GATA4: variants seen among roughly 807,000 people sequenced by gnomAD.
GATA4 encodes transcription factor GATA-4.
A neutral mutation model predicts 37.9 loss-of-function variants in GATA4; 7 were observed. That is an observed-to-expected ratio of 0.18 (90% CI 0.11 to 0.35). The LOEUF (loss-of-function observed/expected upper bound fraction) is 0.35, where lower values mean the gene tolerates loss of function less well. GATA4 is among the 10% of genes least tolerant of loss of function. The probability of loss-of-function intolerance (pLI) is 1.00; values close to 1 mark genes in which losing one functional copy is unlikely to be tolerated. For synonymous variants in GATA4, 372 were observed against 292.6 expected (o/e 1.27, Z -2.77); for missense variants, 647 against 653.0 (o/e 0.99, Z 0.10).
chr8:11,697,846 G>A (rs1291578524), intron 1 of GATA4: 1 of 985,376 alleles, frequency 1.0e-6, no homozygotes, highest in Non-Finnish European at 1.2e-6. Flanking sequence ...CCACGGGGCG[G>A]AGGAGGGAGC....
chr8:11,704,774 C>A (rs1206338072), intron 1 of GATA4, among the ~76,000 whole-genome samples: 5 of 152,336 alleles, frequency 3.3e-5, no homozygotes, highest in Non-Finnish European at 5.9e-5. Context: ...CCAGGCAGCT[C>A]CGCTGGGCCT....
rs2130355308 is a variant in GATA4 at position 11,758,342 on chromosome 8, T to C, written c.1199T>C (p.Val400Ala). Residue 400 changes from valine to alanine, a missense_variant, in exon 7 of 7, where the codon GTC becomes GCC. Physicochemically the swap from Val to Ala is moderately conservative, Grantham distance 64. Coordinates refer to ENST00000532059, the MANE Select transcript of GATA4 (RefSeq NM_001308093.3). ...GGCCATGGGCCCTCCATCCACCCTGTCCTCTCGGCCCTGAAGCTCTCCCCA... is the reference window on the plus strand; with the variant it reads ...GGCCATGGGCCCTCCATCCACCCTGCCCTCTCGGCCCTGAAGCTCTCCCCA... Reference protein sequence around the residue: ...MSGHGPSIHPVLSALKLSPQG... With the variant: ...MSGHGPSIHPALSALKLSPQG... 2 of 1,614,154 alleles carry C rather than the reference T, an allele frequency of 1.2e-6. No homozygotes were observed. The highest frequency in any genetic ancestry group is 2.2e-5 in the East Asian group (1 of 44,890).
intron 1 of GATA4, chr8:11,681,020 C>G (rs1039972966): frequency 3.5e-5 from 33 of 940,966 alleles, no homozygotes; most frequent in Non-Finnish European, 3.9e-5. Context: ...ATCCCATACC[C>G]CAGGCTGCAA....
At chr8:11,679,836 T>C (rs542905175) in intron 1 of GATA4, among the ~76,000 whole-genome samples, 145 of 152,260 alleles carry the variant, frequency 9.5e-4, no homozygotes, top group Non-Finnish European at 1.9e-3. Flanking sequence ...CAGCAACAGA[T>C]AGAGAAGTGT....
Position 11,681,219 on chromosome 8 carries a change from A to T in GATA4, c.-274+4156A>T, listed in dbSNP as rs911334883. The stretch of plus-strand genomic sequence containing the variant: ...GCCCGCGCGGGATCTGGAGGCAGAG[A>T]TTTCTCGACGTTTGGGGACTTACAG... On this transcript the variant is annotated intron_variant, in intron 1 of 6. Transcript: ENST00000528712. 3 of 984,662 alleles carry T rather than the reference A, an allele frequency of 3.0e-6. No individual in the cohort carries two copies. In the African/African-American group the frequency reaches 5.3e-5, roughly 17 times the overall value. The allele number at this position is 984,662 out of a possible 1,614,324, so 61.0% of individuals were successfully genotyped here. A position where few individuals can be genotyped will look rare whatever the true frequency, so the allele number is the denominator to read the frequency against.
At chr8:11,691,921 A>G (rs1799326595), upstream of GATA4, 21 of 751,346 alleles carry the variant, frequency 2.8e-5, no homozygotes, top group Non-Finnish European at 3.4e-5. Flanking sequence ...GGAAGAAAAA[A>G]AAAAAATCAA....
In GATA4 at chr8:11,757,047, G is replaced by A; in HGVS notation, c.1113G>A (p.Leu371=). The change falls in exon 6 of 7, where the codon CTG becomes CTA. Residue 371 remains leucine (L), a synonymous_variant. Transcript: ENST00000532059. ...GTCCCATCAAGACGGAGCCTGGCCTGTCATCTCACTACGGGCACAGCAGCT... is the reference window on the plus strand; with the variant it reads ...GTCCCATCAAGACGGAGCCTGGCCTATCATCTCACTACGGGCACAGCAGCT... ...EMRPIKTEPG[L]SSHYGHSSSV... 2 of 1,614,218 alleles carry A rather than the reference G, an allele frequency of 1.2e-6. No homozygotes were observed. The highest frequency in any genetic ancestry group is 1.7e-6 in the Non-Finnish European group (2 of 1,180,044).
chr8:11,691,301 C>T (rs1021483871), upstream of GATA4, among the ~76,000 whole-genome samples: 3 of 152,298 alleles, frequency 2.0e-5, no homozygotes, highest in Admixed American at 6.5e-5. Flanking sequence ...ACTTAGGATC[C>T]TGGTGTTCCC....
chr8:11,706,488 C>G (rs909852973), intron 1 of GATA4, among the ~76,000 whole-genome samples: 4 of 152,196 alleles, frequency 2.6e-5, no homozygotes, highest in Admixed American at 6.5e-5. Flanking sequence ...ATCCTCACTC[C>G]TAAGCTTCAC....
At chr8:11,701,854 T>TGG (rs564126530), upstream of GATA4, among the ~76,000 whole-genome samples, 1 of 28,732 alleles carries the variant, frequency 3.5e-5, no homozygotes, top group Non-Finnish European at 6.8e-5. Flanking sequence ...ACCGGGGTGG[T>TGG]GGGGGGTGGT....
chr8:11,681,153 G>A (rs968402903), intron 1 of GATA4: 29 of 985,056 alleles, frequency 2.9e-5, no homozygotes, highest in African/African-American at 2.8e-4. Context: ...CTCCAGCTCC[G>A]TTCTGTTCGC....
Position 11,707,970 on chromosome 8 carries a change from C to T in GATA4, c.-343C>T, listed in dbSNP as rs1799969816. 5.8e-6 allele frequency: 2 copies of T among 347,690 alleles called. No homozygotes were observed. Among genetic ancestry groups the T allele is most frequent in the Non-Finnish European group, 1.1e-5 (2 of 182,718 alleles). The allele number at this position is 347,690 out of a possible 1,614,324, so 21.5% of individuals were successfully genotyped here. On this transcript the variant is annotated 5_prime_UTR_variant, in exon 2 of 7. Coordinates refer to ENST00000532059, the MANE Select transcript of GATA4 (RefSeq NM_001308093.3). This position sits in a 1 kb window ranked among gnomAD's most constrained non-coding sequence, Gnocchi z 4.7. ...GTGGGGGACCCGAAGGCTCGTGCGCCACCTCCAGGCCTGGACGCTGCCCTC... is the reference window on the plus strand; with the variant it reads ...GTGGGGGACCCGAAGGCTCGTGCGCTACCTCCAGGCCTGGACGCTGCCCTC...
chr8:11,684,407 A>G (rs1799074484), intron 1 of GATA4, among the ~76,000 whole-genome samples: 3 of 152,236 alleles, frequency 2.0e-5, no homozygotes, highest in Admixed American at 1.3e-4. Context: ...TGAAAATGAC[A>G]TCTTTTTCAA....
At chr8:11,739,124 A>G (rs1037542769) in intron 2 of GATA4, among the ~76,000 whole-genome samples, 3 of 152,260 alleles carry the variant, frequency 2.0e-5, no homozygotes, top group Non-Finnish European at 4.4e-5. Context: ...ATCCCAGGAA[A>G]TTGAAGAAAA....
intron 2 of GATA4, among the ~76,000 whole-genome samples, chr8:11,734,369 C>T (rs1196143986): frequency 6.6e-6 from 1 of 152,218 alleles, no homozygotes; most frequent in African/African-American, 2.4e-5. Flanking sequence ...CCAGGAAGCC[C>T]AAGATCACGG....
chr8:11,734,157 A>G (rs1468311441), intron 2 of GATA4, among the ~76,000 whole-genome samples: 1 of 152,160 alleles, frequency 6.6e-6, no homozygotes, highest in East Asian at 1.9e-4. Flanking sequence ...GCTAAAATAT[A>G]TCTCCTATAT....
chr8:11,709,578 G>GGGGGGGGC lies in GATA4; in HGVS notation c.616+657_616+658insCGGGGGGG, dbSNP rs1554488904. On this transcript the variant is annotated intron_variant, in intron 2 of 6. Transcript: ENST00000532059. This position sits in a 1 kb window ranked among gnomAD's most constrained non-coding sequence, Gnocchi z 4.3. ...CGTGGGCGCATCATGCGGGCAGCGG[G>GGGGGGGGC]GGGGGGGGCGCACACGCCCGGTCAG... Among the ~76,000 whole-genome samples the GGGGGGGGC allele has an allele frequency of 8.7e-6, 1 of 115,392 alleles. No homozygotes were observed. Among genetic ancestry groups the GGGGGGGGC allele is most frequent in the African/African-American group, 5.3e-5 (1 of 19,032 alleles). The allele number at this position is 115,392 out of a possible 152,430, so 75.7% of individuals were successfully genotyped here.
At position 11,709,780 on chromosome 8, in the gene GATA4, C is replaced by G; in HGVS notation, c.616+852C>G. Among the ~76,000 whole-genome samples, 1 of 152,156 alleles carries G rather than the reference C, an allele frequency of 6.6e-6. No individual in the cohort carries two copies. The highest frequency in any genetic ancestry group is 1.9e-4 in the East Asian group (1 of 5,180). The stretch of plus-strand genomic sequence containing the variant: ...TCGGATGTCAGACGGGGAGGGACGG[C>G]AAACCTGTCTCAACCTCCACTGATT... On this transcript the variant is annotated intron_variant, in intron 2 of 6. Coordinates refer to ENST00000532059, the MANE Select transcript of GATA4 (RefSeq NM_001308093.3). This position sits in a 1 kb window ranked among gnomAD's most constrained non-coding sequence, Gnocchi z 4.3.
intron 2 of GATA4, among the ~76,000 whole-genome samples, chr8:11,721,050 A>G (rs1056279260): frequency 1.3e-5 from 2 of 151,988 alleles, no homozygotes; most frequent in African/African-American, 4.8e-5. Flanking sequence ...TACAAAATGA[A>G]CAGAAGTGTC....
Sources: allele counts gnomAD v4.1 joint callset (sites outside exome capture counted in the v4.1 genomes callset), GRCh38; gene constraint gnomAD v4.1.1; non-coding constraint Gnocchi (gnomAD v3.1); transcripts MANE v1.5; gene names NCBI Gene and HGNC (gene_info 2026-07-23, HGNC 2026-07-21).